TSHR: variants seen among roughly 807,000 people sequenced by gnomAD.
The protein encoded by TSHR is thyrotropin receptor.
A neutral mutation model predicts 64.1 loss-of-function variants in TSHR; 51 were observed. The observed-to-expected ratio is 0.80, with a 90% CI of 0.64 to 1.01. The LOEUF (loss-of-function observed/expected upper bound fraction) is 1.01, where lower values mean the gene tolerates loss of function less well. TSHR is among the 50% of genes least tolerant of loss of function. TSHR has a pLI of 0.00. For missense variants in TSHR, 877 were observed against 942.8 expected (o/e 0.93, Z 0.91); for synonymous variants, 361 against 361.9 (o/e 1.00, Z 0.03).
intron 1 of TSHR, among the ~76,000 whole-genome samples, chr14:80,963,731 C>T (rs1038167809): frequency 5.9e-5 from 9 of 152,142 alleles, no homozygotes; most frequent in African/African-American, 2.2e-4. Context: ...GAGAGCCCCT[C>T]TGAAATGAGG....
At chr14:81,036,927 G>A (rs1884654759) in intron 1 of TSHR, among the ~76,000 whole-genome samples, 1 of 152,120 alleles carries the variant, frequency 6.6e-6, no homozygotes. Context: ...TGGATCACCT[G>A]AGGTCAGAAG....
rs191607609 is a variant in TSHR, at chr14:81,072,695, G to A, written c.317+4367G>A. 3.5e-3 allele frequency among the ~76,000 whole-genome samples: 529 copies of A among 151,990 alleles called. 2 individuals are homozygous for A. Among genetic ancestry groups the A allele is most frequent in the African/African-American group, 0.011 (473 of 41,358 alleles). ...GATTGCTGAATTTTTAATACTCGCT[G>A]TATGCTGCTTACAAGAGACATTTTA... On this transcript the variant is annotated intron_variant, in intron 3 of 9. Transcript: ENST00000298171.
intron 9 of TSHR, 41 bp from the exon 10 acceptor site, chr14:81,142,899 T>G (rs1891756586): frequency 1.3e-6 from 2 of 1,594,124 alleles, no homozygotes; most frequent in East Asian, 2.2e-5. Context: ...CATGAGCCAC[T>G]GCGCCCAGCC....
intron 1 of TSHR, among the ~76,000 whole-genome samples, chr14:80,983,930 T>C (rs995264993): frequency 4.6e-5 from 7 of 152,344 alleles, no homozygotes; most frequent in African/African-American, 1.7e-4. Flanking sequence ...TGAGCTAACT[T>C]GTTCATTAGT....
chr14:81,112,437 T>G (rs533632982), intron 8 of TSHR, among the ~76,000 whole-genome samples: 18 of 152,226 alleles, frequency 1.2e-4, no homozygotes, highest in African/African-American at 4.3e-4. Flanking sequence ...CCTCTATATC[T>G]TCTCCTTTGG....
chr14:81,026,189 G>A (rs1308633773), intron 1 of TSHR, among the ~76,000 whole-genome samples: 4 of 152,202 alleles, frequency 2.6e-5, no homozygotes, highest in African/African-American at 9.6e-5. Context: ...GTAAACTCCA[G>A]GGAGGCAGAA....
In TSHR at chr14:81,108,404, T is replaced by C. The variant is rs145761776; in HGVS notation, c.644T>C (p.Val215Ala). 28 of 1,613,472 alleles carry C rather than the reference T, an allele frequency of 1.7e-5. No individual in the cohort carries two copies. The South Asian group carries it at 2.6e-4, about 15-fold the overall frequency. Reference sequence around the variant, plus strand: ...CTAAACAAGAATAAATACCTGACAGTTATTGACAAAGATGCATTTGGAGGA... The same window carrying C: ...CTAAACAAGAATAAATACCTGACAGCTATTGACAAAGATGCATTTGGAGGA... ...VYLNKNKYLT[V>A]IDKDAFGGVY... is the part of the protein sequence containing the mutation. The change falls in exon 8 of 10, where the codon GTT becomes GCT. Residue 215 changes from valine (V) to alanine (A), a missense_variant. Physicochemically the swap from Val to Ala is moderately conservative, Grantham distance 64. Transcript: ENST00000298171.
At chr14:81,127,935 G>T (rs956957002) in intron 8 of TSHR, among the ~76,000 whole-genome samples, 1 of 152,156 alleles carries the variant, frequency 6.6e-6, no homozygotes, top group African/African-American at 2.4e-5. Flanking sequence ...ACTAAAAATT[G>T]CCCTGGTTTC....
intron 1 of TSHR, among the ~76,000 whole-genome samples, chr14:81,019,151 A>C (rs1470233239): frequency 6.6e-6 from 1 of 152,106 alleles, no homozygotes; most frequent in Non-Finnish European, 1.5e-5. Flanking sequence ...GGCATGCAAC[A>C]TGGCAAAACC....
intron 8 of TSHR, among the ~76,000 whole-genome samples, chr14:81,133,004 G>A (rs1891313446): frequency 1.3e-5 from 2 of 152,188 alleles, no homozygotes; most frequent in South Asian, 2.1e-4. Context: ...TTCCTGACTT[G>A]TTGAGTTTGA....
At chr14:81,056,087 C>T (rs1885777151) in intron 1 of TSHR, among the ~76,000 whole-genome samples, 1 of 152,098 alleles carries the variant, frequency 6.6e-6, no homozygotes, top group Admixed American at 6.6e-5. Context: ...GTGCTGTTCT[C>T]ATGATAGTGA....
chr14:81,022,415 G>C (rs1344548211), intron 1 of TSHR, among the ~76,000 whole-genome samples: 13 of 152,198 alleles, frequency 8.5e-5, no homozygotes, highest in Non-Finnish European at 1.5e-5. Context: ...GGGTGTCTTC[G>C]ATGAGATTAA....
chr14:81,015,976 T>A (rs183127556), intron 1 of TSHR, among the ~76,000 whole-genome samples: 1 of 152,270 alleles, frequency 6.6e-6, no homozygotes, highest in East Asian at 1.9e-4. Context: ...TAAGACTGAG[T>A]AGTATTCTAT....
chr14:81,131,278 A>G (rs1417859970), intron 8 of TSHR, among the ~76,000 whole-genome samples: 2 of 152,036 alleles, frequency 1.3e-5, no homozygotes, highest in African/African-American at 4.8e-5. Flanking sequence ...ACAAACTCCA[A>G]CCATTTTCAG....
At position 81,057,043 on chromosome 14, in the gene TSHR, GC is replaced by G. The variant is rs568266038; in HGVS notation, c.171-5104del. 1.9e-3 allele frequency among the ~76,000 whole-genome samples: 296 copies of G among 152,302 alleles called. 2 individuals are homozygous for G. Among genetic ancestry groups the G allele is most frequent in the Non-Finnish European group, 3.6e-3 (244 of 68,018 alleles). On this transcript the variant is annotated intron_variant, in intron 1 of 9. Coordinates refer to ENST00000298171, the MANE Select transcript of TSHR (RefSeq NM_000369.5). ...CTACACCCCTGATTTTAAATCCTAT[GC>G]TTGCTGTATTCTTTCACAGTTTGCC...
chr14:81,079,225 C>T (rs1338229794), intron 3 of TSHR, among the ~76,000 whole-genome samples: 1 of 152,164 alleles, frequency 6.6e-6, no homozygotes, highest in Non-Finnish European at 1.5e-5. Flanking sequence ...ACACTGGACA[C>T]TTCCATTTTC....
intron 2 of TSHR, among the ~76,000 whole-genome samples, chr14:81,065,187 C>T (rs530356234): frequency 6.6e-6 from 1 of 152,084 alleles, no homozygotes; most frequent in African/African-American, 2.4e-5. Flanking sequence ...CAGGCTCCTC[C>T]CCACTATAAA....
chr14:81,002,783 T>TAAC (rs1566757847), intron 1 of TSHR, among the ~76,000 whole-genome samples: 11 of 12,594 alleles, frequency 8.7e-4, no homozygotes, highest in Admixed American at 1.5e-3. Context: ...TAATGCCTCT[T>TAAC]TTTTTTTTTT....
chr14:81,012,818 T>C (rs1889992333), intron 1 of TSHR: 3 of 151,826 alleles, frequency 2.0e-5, no homozygotes, highest in Admixed American at 2.0e-4. Flanking sequence ...TTTGTTTGAG[T>C]TCATTGTAGA....
Sources: gnomAD v4.1 joint callset for allele counts (sites outside exome capture counted in the v4.1 genomes callset) on GRCh38, gnomAD v4.1.1 for gene constraint, MANE v1.5 for transcripts, NCBI Gene and HGNC (gene_info 2026-07-23, HGNC 2026-07-21) for gene names.